TTC29: variants seen among roughly 807,000 people sequenced by gnomAD.
The protein encoded by TTC29 is tetratricopeptide repeat protein 29.
In TTC29, 49 loss-of-function variants were observed where a neutral mutation model predicts 58.1. That is an observed-to-expected ratio of 0.84 (90% confidence interval 0.67 to 1.07). The LOEUF is 1.07. TTC29 is among the 50% of genes least tolerant of loss of function. The pLI, the probability that TTC29 is intolerant of heterozygous loss-of-function variation, is 0.00. For synonymous variants in TTC29, 209 were observed against 196.8 expected (o/e 1.06, Z -0.52); for missense variants, 582 against 555.6 (o/e 1.05, Z -0.48).
intron 9 of TTC29, among the ~76,000 whole-genome samples, chr4:146,826,579 CAT>C (rs1281366261): frequency 6.6e-6 from 1 of 151,966 alleles, no homozygotes; most frequent in Non-Finnish European, 1.5e-5. Flanking sequence ...ATCTGATGAT[CAT>C]GTTTCTTGGG....
chr4:146,804,271 T>C (rs1173250122), intron 10 of TTC29, among the ~76,000 whole-genome samples: 1 of 152,132 alleles, frequency 6.6e-6, no homozygotes, highest in East Asian at 1.9e-4. Flanking sequence ...AGATTCCCTC[T>C]GGTGCCTATG....
chr4:146,722,633 A>G (rs1743454701), intron 11 of TTC29, among the ~76,000 whole-genome samples: 1 of 152,180 alleles, frequency 6.6e-6, no homozygotes, highest in South Asian at 2.1e-4. Context: ...CAGAAGAAAA[A>G]AAAATGGACC....
At chr4:146,941,073 A>C (rs1736345756) in intron 2 of TTC29, among the ~76,000 whole-genome samples, 1 of 152,204 alleles carries the variant, frequency 6.6e-6, no homozygotes, top group Non-Finnish European at 1.5e-5. Context: ...TCCTATTCCA[A>C]AGAGGAAGAA....
intron 11 of TTC29, 29 bp downstream of exon 11, chr4:146,803,428 C>T (rs1750371346): frequency 7.0e-7 from 1 of 1,428,652 alleles, no homozygotes; most frequent in Non-Finnish European, 9.5e-7. Flanking sequence ...GATATGAAAA[C>T]TAAAGTGTTC....
At chr4:146,869,234 G>A (rs544188146) in intron 7 of TTC29, among the ~76,000 whole-genome samples, 2 of 152,050 alleles carry the variant, frequency 1.3e-5, no homozygotes, top group East Asian at 3.9e-4. Flanking sequence ...CATGAAGGAT[G>A]TCAGCAGGAA....
At position 146,830,919 on chromosome 4, in the gene TTC29, G is replaced by A. The variant is rs144276788; in HGVS notation, c.977+2887C>T. ...TGGACTTGATTTAATAATGCTTTGC[G>A]CTATTCAGGATGCTGTTGTCTATCT... is the stretch of plus-strand genomic sequence containing the variant. On this transcript the variant is annotated intron_variant, in intron 9 of 12. Coordinates refer to ENST00000325106, the MANE Select transcript of TTC29 (RefSeq NM_031956.4). Among the ~76,000 whole-genome samples the A allele has an allele frequency of 7.2e-5, 11 of 152,236 alleles. No individual in the cohort carries two copies. In the East Asian group the frequency reaches 9.7e-4, roughly 13 times the overall value.
intron 11 of TTC29, among the ~76,000 whole-genome samples, chr4:146,749,851 C>T (rs959304790): frequency 7.2e-5 from 11 of 152,142 alleles, no homozygotes; most frequent in Non-Finnish European, 1.2e-4. Flanking sequence ...GATTTTTCAG[C>T]AGAAACCTTG....
chr4:146,728,802 T>C (rs1340761399), intron 11 of TTC29, among the ~76,000 whole-genome samples: 1 of 125,538 alleles, frequency 8.0e-6, no homozygotes, highest in African/African-American at 2.9e-5. Flanking sequence ...TACGTATATA[T>C]ACACATATAT....
chr4:146,715,219 A>G (rs1742843406), intron 11 of TTC29, among the ~76,000 whole-genome samples: 1 of 152,196 alleles, frequency 6.6e-6, no homozygotes, highest in Non-Finnish European at 1.5e-5. Context: ...AAAAAACTAT[A>G]AAACTAGAAC....
rs12506936 is a variant in TTC29 at position 146,803,438 on chromosome 4, C to G, written c.1330+19G>C. On this transcript the variant is annotated intron_variant, in intron 11 of 12. Coordinates refer to ENST00000325106, the MANE Select transcript of TTC29 (RefSeq NM_031956.4). Reference sequence around the variant, plus strand: ...AGAATGATATGAAAACTAAAGTGTTCTAAAAACCAATGCCTTACCAGTAAC... The same window carrying G: ...AGAATGATATGAAAACTAAAGTGTTGTAAAAACCAATGCCTTACCAGTAAC... The G allele has an allele frequency of 0.052, 78,200 of 1,507,824 alleles. 2,722 individuals are homozygous for G. The highest frequency in any genetic ancestry group is 0.16 in the Admixed American group (7,960 of 48,518). 93.4% of individuals were successfully genotyped at this position (1,507,824 alleles called of 1,614,324 possible).
At chr4:146,787,625 T>A (rs554895511) in intron 11 of TTC29, among the ~76,000 whole-genome samples, 7 of 152,340 alleles carry the variant, frequency 4.6e-5, no homozygotes, top group Admixed American at 2.6e-4. Context: ...TCAGAAAATC[T>A]TCTGTGAAAG....
chr4:146,919,976 TTC>T (rs1734476158), intron 4 of TTC29, among the ~76,000 whole-genome samples: 1 of 151,072 alleles, frequency 6.6e-6, no homozygotes, highest in Non-Finnish European at 1.5e-5. Context: ...GCAAGTAAAA[TTC>T]TGTTTCCTCT....
chr4:146,777,935 G>C (rs1748233085), intron 11 of TTC29, among the ~76,000 whole-genome samples: 1 of 152,182 alleles, frequency 6.6e-6, no homozygotes, highest in Non-Finnish European at 1.5e-5. Flanking sequence ...GCAAGCCTAG[G>C]GGTAACAGGA....
At chr4:146,795,208 C>T (rs985644883) in intron 11 of TTC29, among the ~76,000 whole-genome samples, 1 of 152,044 alleles carries the variant, frequency 6.6e-6, no homozygotes, top group Non-Finnish European at 1.5e-5. Context: ...TTCATTGCCA[C>T]AGTAGTTCAG....
rs781468826 is a variant in TTC29 at position 146,893,997 on chromosome 4, C to T, written c.586+9547G>A. Among the ~76,000 whole-genome samples the T allele has an allele frequency of 5.5e-4, 84 of 152,138 alleles. No homozygotes were observed. In the South Asian group the frequency reaches 0.014, roughly 25 times the overall value. On this transcript the variant is annotated intron_variant, in intron 6 of 12. Coordinates refer to ENST00000325106, the MANE Select transcript of TTC29 (RefSeq NM_031956.4). The stretch of plus-strand genomic sequence containing the variant: ...ACAATGAGATACCATCTCACACCAG[C>T]TAGAATGGCAATCATTAAAAAGTCA...
intron 4 of TTC29, among the ~76,000 whole-genome samples, chr4:146,927,622 T>C (rs1174074036): frequency 1.3e-5 from 2 of 152,048 alleles, no homozygotes; most frequent in Admixed American, 6.6e-5. Context: ...GAACATACTA[T>C]AGTATGTTAA....
intron 5 of TTC29, among the ~76,000 whole-genome samples, chr4:146,908,734 C>A (rs1733689629): frequency 6.6e-6 from 1 of 152,050 alleles, no homozygotes. Flanking sequence ...AAGGTTTAAA[C>A]CTAATGATAG....
chr4:146,759,622 T>C (rs1338883442), intron 11 of TTC29, among the ~76,000 whole-genome samples: 1 of 152,116 alleles, frequency 6.6e-6, no homozygotes, highest in African/African-American at 2.4e-5. Flanking sequence ...GATGCAGGGA[T>C]GGTTTAACAT....
chr4:146,844,077 G>A (rs1329424747), intron 8 of TTC29, among the ~76,000 whole-genome samples: 1 of 152,154 alleles, frequency 6.6e-6, no homozygotes, highest in Non-Finnish European at 1.5e-5. Context: ...TGAAAATCAA[G>A]ATTAGCCTTA....
Sources: gnomAD v4.1 joint callset for allele counts (sites outside exome capture counted in the v4.1 genomes callset) on GRCh38, gnomAD v4.1.1 for gene constraint, MANE v1.5 for transcripts, NCBI Gene and HGNC (gene_info 2026-07-23, HGNC 2026-07-21) for gene names.